PTPRD: variants seen among roughly 807,000 people sequenced by gnomAD.
The protein encoded by PTPRD is receptor-type tyrosine-protein phosphatase delta.
PTPRD carries 34 observed loss-of-function variants against 214.5 expected under a neutral mutation model. The observed-to-expected ratio is 0.16, with a 90% confidence interval of 0.12 to 0.21. The LOEUF is 0.21. Among genes scored for constraint, PTPRD ranks in the 10% least tolerant of loss-of-function variants. PTPRD has a pLI of 1.00. For missense variants in PTPRD, 2,545 were observed against 2,398.7 expected (o/e 1.06, Z -1.27); for synonymous variants, 1,128 against 845.7 (o/e 1.33, Z -5.79).
At chr9:9,910,402 G>A (rs10435831) in intron 5 of PTPRD, among the ~76,000 whole-genome samples, 38,764 of 151,732 alleles carry the variant, frequency 0.26, 5,195 homozygotes, top group East Asian at 0.38. Context: ...ATACGAGTAT[G>A]CAGTTCTGTT....
intron 3 of PTPRD, among the ~76,000 whole-genome samples, chr9:10,043,863 A>AAAATG (rs2097341418): frequency 6.6e-6 from 1 of 151,898 alleles, no homozygotes; most frequent in Non-Finnish European, 1.5e-5. Context: ...GTGAGTATAC[A>AAAATG]AAATGACTTG....
At chr9:9,104,528 T>C (rs2099795801) in intron 10 of PTPRD, among the ~76,000 whole-genome samples, 1 of 152,154 alleles carries the variant, frequency 6.6e-6, no homozygotes, top group Non-Finnish European at 1.5e-5. Context: ...TGCAAAACCG[T>C]TATTTCCAAA....
chr9:8,845,700 G>C (rs898254791), intron 11 of PTPRD, among the ~76,000 whole-genome samples: 2 of 152,208 alleles, frequency 1.3e-5, no homozygotes, highest in Admixed American at 6.5e-5. Flanking sequence ...ACATAAACAA[G>C]AGGCCCATGT....
Position 9,715,617 on chromosome 9 carries a change from C to T in PTPRD, c.-287+18916G>A, listed in dbSNP as rs115448465. 3.7e-3 allele frequency among the ~76,000 whole-genome samples: 558 copies of T among 152,188 alleles called. 3 individuals carry two copies. Among genetic ancestry groups the T allele is most frequent in the African/African-American group, 0.013 (536 of 41,526 alleles). ...TAACTAAATCTGTGGAAACCCTCAA[C>T]TTCAAATAGAATCTAGATAGAGATA... On this transcript the variant is annotated intron_variant, in intron 7 of 45. Transcript: ENST00000381196.
chr9:9,199,110 T>C (rs1268575792), intron 9 of PTPRD, among the ~76,000 whole-genome samples: 1 of 152,144 alleles, frequency 6.6e-6, no homozygotes, highest in Non-Finnish European at 1.5e-5. Context: ...TCTCTGATGA[T>C]GAGTGCACAA....
At chr9:10,112,261 T>C (rs931476278) in intron 3 of PTPRD, among the ~76,000 whole-genome samples, 7 of 152,158 alleles carry the variant, frequency 4.6e-5, no homozygotes, top group African/African-American at 1.7e-4. Flanking sequence ...GCTCCCAGGG[T>C]TTCTTGGAGC....
At chr9:9,480,665 G>A (rs905324333) in intron 8 of PTPRD, among the ~76,000 whole-genome samples, 11 of 151,960 alleles carry the variant, frequency 7.2e-5, no homozygotes, top group Admixed American at 1.3e-4. Context: ...TATGTAGTAC[G>A]TAAAAATATA....
chr9:8,682,582 T>G (rs1020531690), intron 12 of PTPRD, among the ~76,000 whole-genome samples: 33 of 152,210 alleles, frequency 2.2e-4, no homozygotes, highest in Non-Finnish European at 3.8e-4. Context: ...TTTTTTCCCT[T>G]AATTTATGCC....
chr9:10,532,438 C>T (rs2056613038), intron 2 of PTPRD: 1 of 135,690 alleles, frequency 7.4e-6, no homozygotes, highest in African/African-American at 2.5e-5. Flanking sequence ...GGTTAGTGTT[C>T]CTAAAATAAA....
At chr9:9,012,599 A>G (rs1301239072) in intron 11 of PTPRD, among the ~76,000 whole-genome samples, 1 of 152,170 alleles carries the variant, frequency 6.6e-6, no homozygotes, top group Non-Finnish European at 1.5e-5. Context: ...ACTATTTGCA[A>G]TGTCTAATGA....
intron 3 of PTPRD, among the ~76,000 whole-genome samples, chr9:10,248,778 T>A (rs1240091749): frequency 6.6e-6 from 1 of 152,090 alleles, no homozygotes; most frequent in East Asian, 1.9e-4. Context: ...TGGAAGAGTT[T>A]GGGTAGCTCA....
At chr9:9,752,553 C>A (rs1266323932) in intron 6 of PTPRD, among the ~76,000 whole-genome samples, 1 of 151,930 alleles carries the variant, frequency 6.6e-6, no homozygotes, top group East Asian at 1.9e-4. Flanking sequence ...TCCCGTGGAG[C>A]TTTTTAAATT....
chr9:9,770,869 T>C (rs930256995), intron 5 of PTPRD, among the ~76,000 whole-genome samples: 1 of 152,174 alleles, frequency 6.6e-6, no homozygotes, highest in Admixed American at 6.5e-5. Flanking sequence ...TTTGTTTTTG[T>C]TGCTGTTATT....
chr9:9,273,757 G>T (rs1042310465), intron 9 of PTPRD, among the ~76,000 whole-genome samples: 1 of 151,226 alleles, frequency 6.6e-6, no homozygotes, highest in African/African-American at 2.4e-5. Context: ...CTAATGATTT[G>T]CACAGGTGGA....
intron 11 of PTPRD, among the ~76,000 whole-genome samples, chr9:8,822,318 C>T (rs112624992): frequency 0.022 from 3,292 of 152,162 alleles, 49 homozygotes; most frequent in Middle Eastern, 0.038. Context: ...ACCCTAACTG[C>T]TATCAAAGCA....
intron 33 of PTPRD, chr9:8,454,436 G>A (rs1461569617): frequency 1.9e-5 from 14 of 728,070 alleles, no homozygotes; most frequent in Non-Finnish European, 2.8e-5. Context: ...AAGTTACTGT[G>A]TATATGTAGG....
chr9:9,361,834 A>T (rs1225615875), intron 9 of PTPRD, among the ~76,000 whole-genome samples: 4 of 151,130 alleles, frequency 2.6e-5, no homozygotes, highest in Non-Finnish European at 4.5e-5. Flanking sequence ...ATTAAATATT[A>T]TACAACTATT....
At chr9:8,716,703 C>T (rs1392264250) in intron 12 of PTPRD, among the ~76,000 whole-genome samples, 1 of 152,082 alleles carries the variant, frequency 6.6e-6, no homozygotes, top group African/African-American at 2.4e-5. Context: ...AGCATGCACT[C>T]CCAAATAGGA....
intron 8 of PTPRD, among the ~76,000 whole-genome samples, chr9:9,406,102 T>C (rs1220426418): frequency 6.6e-6 from 1 of 151,990 alleles, no homozygotes; most frequent in Non-Finnish European, 1.5e-5. Context: ...TAAAATATAC[T>C]GAGAAAATTG....
Sources: gnomAD v4.1 joint callset for allele counts (sites outside exome capture counted in the v4.1 genomes callset) on GRCh38, gnomAD v4.1.1 for gene constraint, MANE v1.5 for transcripts, NCBI Gene and HGNC (gene_info 2026-07-23, HGNC 2026-07-21) for gene names.